Variants in SNED1 observed in about 807,000 individuals in gnomAD.
SNED1 encodes sushi, nidogen and EGF-like domain-containing protein 1.
Under a neutral mutation model 166.7 loss-of-function variants are expected in SNED1, and 81 were observed. The observed-to-expected ratio is 0.49, with a 90% CI of 0.41 to 0.58. The LOEUF (loss-of-function observed/expected upper bound fraction) is 0.58, where lower values mean the gene tolerates loss of function less well. Among genes scored for constraint, SNED1 ranks in the 20% least tolerant of loss-of-function variants. SNED1 has a pLI of 0.00. For missense variants in SNED1, 1,604 were observed against 2,000.2 expected (o/e 0.80, Z 3.78); for synonymous variants, 762 against 822.0 (o/e 0.93, Z 1.25).
chr2:241,063,157 G>A (rs113575271), intron 17 of SNED1, among the ~76,000 whole-genome samples: 7 of 152,364 alleles, frequency 4.6e-5, no homozygotes, highest in East Asian at 1.9e-4. Flanking sequence ...GGTGGGCGTC[G>A]GAGAGGGCAG....
intron 17 of SNED1, chr2:241,063,371 C>CCTGGAGGTGGGG (rs1212803435): frequency 3.4e-6 from 2 of 589,702 alleles, no homozygotes; most frequent in Non-Finnish European, 6.2e-6. Context: ...GAAGGCATGG[C>CCTGGAGGTGGGG]CTGGAGGTGG....
chr2:241,039,333 C>T (rs1013748055), intron 6 of SNED1, among the ~76,000 whole-genome samples: 6 of 152,166 alleles, frequency 3.9e-5, no homozygotes, highest in African/African-American at 1.4e-4. Context: ...AAGAGAGGGC[C>T]CCACCATTCC....
At position 241,051,066 on chromosome 2, in the gene SNED1, G is replaced by A. The variant is rs1411811864; in HGVS notation, c.1736-678G>A. ...AGCCAGAGCTTGGACCTGCAGCGTG[G>A]GATGGCTGGCAGGAGAGGAGCGAGC... On this transcript the variant is annotated intron_variant, in intron 12 of 31. Coordinates refer to ENST00000310397, the MANE Select transcript of SNED1 (RefSeq NM_001080437.3). The surrounding 1 kb of genome is among the most constrained non-coding windows in gnomAD (Gnocchi z 4.7). Among the ~76,000 whole-genome samples, 2 of 152,222 alleles carry A rather than the reference G, an allele frequency of 1.3e-5. No individual in the cohort carries two copies. Among genetic ancestry groups the A allele is most frequent in the African/African-American group, 4.8e-5 (2 of 41,454 alleles).
intron 31 of SNED1, chr2:241,089,384 A>G: frequency 6.4e-7 from 1 of 1,550,654 alleles, no homozygotes; most frequent in Non-Finnish European, 8.7e-7. Context: ...ATAAAGGAGA[A>G]ATGTCATTCA....
rs1362338248 is a variant in SNED1 at position 241,013,646 on chromosome 2, C to G, written c.213+14596C>G. Among the ~76,000 whole-genome samples, 1 of 152,098 alleles carries G rather than the reference C, an allele frequency of 6.6e-6. No individual in the cohort carries two copies. The highest frequency in any genetic ancestry group is 1.5e-5 in the Non-Finnish European group (1 of 68,016). On this transcript the variant is annotated intron_variant, in intron 1 of 31. Transcript: ENST00000310397. The surrounding 1 kb of genome is among the most constrained non-coding windows in gnomAD (Gnocchi z 4.6). ...GTGAACCACCACACCTGGCTGAGTT[C>G]AGCTATTTTAGATTCCACATATAAG...
rs1196416469 is a variant in SNED1 at position 241,052,758 on chromosome 2, C to T, written c.2083+290C>T. Among the ~76,000 whole-genome samples, 31 of 112,474 alleles carry T rather than the reference C, an allele frequency of 2.8e-4. 1 individual carries two copies. The East Asian group carries it at 2.9e-3, about 10-fold the overall frequency. The allele number at this position is 112,474 out of a possible 152,430, so 73.8% of individuals were successfully genotyped here. On this transcript the variant is annotated intron_variant, in intron 15 of 31. Transcript: ENST00000310397. ...CAGGCAGGTGAGAGGGCCGGGGGGC[C>T]AAGCAGGGTACATGGGATGCTGGTG...
intron 1 of SNED1, among the ~76,000 whole-genome samples, chr2:241,000,445 G>A (rs368305756): frequency 1.3e-5 from 2 of 152,196 alleles, no homozygotes; most frequent in African/African-American, 4.8e-5. Context: ...CTGGAAGTAC[G>A]AAGTGGGTAG....
intron 8 of SNED1, among the ~76,000 whole-genome samples, chr2:241,043,930 G>C (rs1333987691): frequency 6.6e-6 from 1 of 152,168 alleles, no homozygotes; most frequent in Non-Finnish European, 1.5e-5. Flanking sequence ...CAATGTAAAA[G>C]ATAAGAAGAA....
intron 27 of SNED1, among the ~76,000 whole-genome samples, chr2:241,076,928 A>G (rs2125274987): frequency 6.6e-6 from 1 of 152,222 alleles, no homozygotes; most frequent in Middle Eastern, 3.4e-3. Context: ...AAATACAAAA[A>G]ATTAGCTGGG....
At position 240,998,893 on chromosome 2, in the gene SNED1, C is replaced by CGCGCGGGGT; in HGVS notation, c.63_71dup (p.Val22_Gly24dup). The stretch of plus-strand genomic sequence containing the variant: ...GTGGCCGCGGCCCTGGGGCTTGGGG[C>CGCGCGGGGT]GCGCGGGGTGCGCGGCGCGGTGGCC... On this transcript the variant is annotated inframe_insertion, in exon 1 of 32. Coordinates refer to ENST00000310397, the MANE Select transcript of SNED1 (RefSeq NM_001080437.3). 1.6e-6 allele frequency: 2 copies of CGCGCGGGGT among 1,225,714 alleles called. No homozygotes were observed. Among genetic ancestry groups the CGCGCGGGGT allele is most frequent in the Non-Finnish European group, 1.0e-6 (1 of 984,060 alleles). The allele number at this position is 1,225,714 out of a possible 1,614,324, so 75.9% of individuals were successfully genotyped here.
intron 27 of SNED1, among the ~76,000 whole-genome samples, chr2:241,077,255 C>T (rs1036228259): frequency 6.6e-6 from 1 of 152,136 alleles, no homozygotes; most frequent in African/African-American, 2.4e-5. Flanking sequence ...TACCATATAC[C>T]TCATAACACA....
At chr2:241,030,736 C>T (rs766954773) in intron 2 of SNED1, among the ~76,000 whole-genome samples, 165 bp downstream of exon 2, 1 of 152,188 alleles carries the variant, frequency 6.6e-6, no homozygotes, top group South Asian at 2.1e-4. Flanking sequence ...GAAGAGGACA[C>T]GTCCCCAACC....
At chr2:241,063,539 G>A (rs369551853) in intron 17 of SNED1, 48 bp from the exon 18 acceptor site, 13 of 1,259,198 alleles carry the variant, frequency 1.0e-5, no homozygotes, top group African/African-American at 3.0e-5. Flanking sequence ...GCATGTGGGC[G>A]CCTCAGACTT....
chr2:241,038,376 A>G (rs1451353523), intron 6 of SNED1, among the ~76,000 whole-genome samples: 2 of 152,216 alleles, frequency 1.3e-5, no homozygotes, highest in African/African-American at 2.4e-5. Context: ...GGAGAGAGCT[A>G]TAGTTGAATG....
chr2:241,003,073 C>T (rs926793167), intron 1 of SNED1, among the ~76,000 whole-genome samples: 2 of 152,090 alleles, frequency 1.3e-5, no homozygotes, highest in Non-Finnish European at 2.9e-5. Flanking sequence ...GGGATCCTGT[C>T]TCTCCTCGCC....
intron 6 of SNED1, among the ~76,000 whole-genome samples, chr2:241,037,951 A>G (rs1304745553): frequency 3.3e-5 from 5 of 152,172 alleles, no homozygotes; most frequent in Non-Finnish European, 7.3e-5. Context: ...CTCCCAGTTC[A>G]GAGCCCAGCT....
rs753670662 is a variant in SNED1 at position 241,018,304 on chromosome 2, C to G, written c.214-11980C>G. On this transcript the variant is annotated intron_variant, in intron 1 of 31. Transcript: ENST00000310397. The surrounding 1 kb of genome is among the most constrained non-coding windows in gnomAD (Gnocchi z 5.4). Reference sequence around the variant, plus strand: ...AAGCAAGGTTGTGCCCACACATGCACTTACATGGGGGCACGTTTGGGTGCA... The same window carrying G: ...AAGCAAGGTTGTGCCCACACATGCAGTTACATGGGGGCACGTTTGGGTGCA... Among the ~76,000 whole-genome samples, 1 of 152,218 alleles carries G rather than the reference C, an allele frequency of 6.6e-6. No homozygotes were observed. The highest frequency in any genetic ancestry group is 2.1e-4 in the South Asian group (1 of 4,828).
intron 21 of SNED1, among the ~76,000 whole-genome samples, chr2:241,066,940 A>G (rs2062478481): frequency 6.6e-6 from 1 of 152,210 alleles, no homozygotes; most frequent in South Asian, 2.1e-4. Flanking sequence ...AAGGACACAG[A>G]GCACACCTCG....
Position 241,020,601 on chromosome 2 carries a change from C to T in SNED1, c.214-9683C>T, listed in dbSNP as rs932552881. ...GGCCACCAGGACCTGTTGGGCGCTG[C>T]CCTTATGTGATCAAGTTTAAAACCC... On this transcript the variant is annotated intron_variant, in intron 1 of 31. Coordinates refer to ENST00000310397, the MANE Select transcript of SNED1 (RefSeq NM_001080437.3). Among the ~76,000 whole-genome samples the T allele has an allele frequency of 5.9e-5, 9 of 152,198 alleles. 1 individual carries two copies. The highest frequency in any genetic ancestry group is 1.0e-4 in the Non-Finnish European group (7 of 68,032).
Sources: gnomAD v4.1 joint callset for allele counts (sites outside exome capture counted in the v4.1 genomes callset) on GRCh38, gnomAD v4.1.1 for gene constraint, Gnocchi (gnomAD v3.1) non-coding constraint, MANE v1.5 for transcripts, NCBI Gene and HGNC (gene_info 2026-07-23, HGNC 2026-07-21) for gene names.